Variants in ZNF48 observed in about 807,000 individuals in gnomAD.
ZNF48 encodes the protein zinc finger protein 48.
ZNF48 carries 20 observed loss-of-function variants against 40.0 expected under a neutral mutation model. That is an observed-to-expected ratio of 0.50 (90% confidence interval 0.35 to 0.73). The LOEUF (loss-of-function observed/expected upper bound fraction) is 0.73. Ranked by LOEUF, ZNF48 falls within the 30% of genes least tolerant of loss-of-function variation. ZNF48 has a pLI of 0.01. For synonymous variants in ZNF48, 298 were observed against 329.7 expected (o/e 0.90, Z 1.04); for missense variants, 726 against 851.9 (o/e 0.85, Z 1.84).
chr16:30,389,201 G>A (rs2049923127), intron 1 of ZNF48, among the ~76,000 whole-genome samples: 1 of 151,922 alleles, frequency 6.6e-6, no homozygotes, highest in African/African-American at 2.4e-5. Context: ...AGATCATCCT[G>A]GCTGACACGG....
chr16:30,379,046 G>A, intron 1 of ZNF48: 1 of 1,613,642 alleles, frequency 6.2e-7, no homozygotes, highest in South Asian at 1.1e-5. Flanking sequence ...CGAGCCCCAG[G>A]CCGGGCCAGG....
At chr16:30,388,305 A>G (rs1257643688) in intron 1 of ZNF48, among the ~76,000 whole-genome samples, 1 of 152,068 alleles carries the variant, frequency 6.6e-6, no homozygotes, top group African/African-American at 2.4e-5. Flanking sequence ...ATACATGCAC[A>G]TGTACATTAT....
intron 1 of ZNF48, among the ~76,000 whole-genome samples, chr16:30,387,109 AT>A (rs1357986172): frequency 3.0e-4 from 45 of 150,002 alleles, no homozygotes; most frequent in East Asian, 6.0e-4. Context: ...TGCCTGGCTA[AT>A]TTTTTTGTAT....
Position 30,381,458 on chromosome 16 carries a change from C to T in ZNF48, c.-16+3048C>T, listed in dbSNP as rs1387522783. 5 of 1,614,046 alleles carry T rather than the reference C, an allele frequency of 3.1e-6. No individual in the cohort carries two copies. Among genetic ancestry groups the T allele is most frequent in the Non-Finnish European group, 4.2e-6 (5 of 1,180,008 alleles). Reference sequence around the variant, plus strand: ...GCTCAAATTGCTCCTCGATGAATTTCACCACCGGAAGCCAGCTGGGTGTGG... The same window carrying T: ...GCTCAAATTGCTCCTCGATGAATTTTACCACCGGAAGCCAGCTGGGTGTGG... On this transcript the variant is annotated intron_variant, in intron 1 of 2. Transcript: ENST00000528032. The surrounding 1 kb of genome is among the most constrained non-coding windows in gnomAD (Gnocchi z 4.3).
At chr16:30,379,716 C>G (rs1166708566) in intron 1 of ZNF48, 1 of 523,706 alleles carries the variant, frequency 1.9e-6, no homozygotes, top group Non-Finnish European at 3.3e-6. Context: ...AAGTGATTCT[C>G]CTGCCTCAGC....
At chr16:30,385,943 T>C (rs900340572) in intron 1 of ZNF48, among the ~76,000 whole-genome samples, 1 of 151,306 alleles carries the variant, frequency 6.6e-6, no homozygotes, top group Non-Finnish European at 1.5e-5. Context: ...CTGGTCAACA[T>C]AGCAAGACCC....
rs2050029356 is a variant in ZNF48 at position 30,399,321 on chromosome 16, C to G, written c.*214C>G. 1 of 519,876 alleles carries G rather than the reference C, an allele frequency of 1.9e-6. No homozygotes were observed. The highest frequency in any genetic ancestry group is 3.4e-6 in the Non-Finnish European group (1 of 297,306). 32.2% of individuals were successfully genotyped at this position (519,876 alleles called of 1,614,324 possible). ...GGACCTTGCCAGGACGGGCTGTACC[C>G]CTGGCTTCTAGAAGACTGCCTAGCA... On this transcript the variant is annotated 3_prime_UTR_variant, in exon 3 of 3. Transcript: ENST00000613509.
rs377166446 is a variant in ZNF48 at position 30,381,263 on chromosome 16, C to G, written c.-16+2853C>G. The G allele has an allele frequency of 1.1e-4, 174 of 1,613,620 alleles. No individual in the cohort carries two copies. Among genetic ancestry groups the G allele is most frequent in the Admixed American group, 2.2e-4 (13 of 60,002 alleles). ...CCGGAGCCTGCACCCAGGGATTGGTCATTGCCCAGCCTCAGGGGGCAGAGA... is the reference window on the plus strand; with the variant it reads ...CCGGAGCCTGCACCCAGGGATTGGTGATTGCCCAGCCTCAGGGGGCAGAGA... On this transcript the variant is annotated intron_variant, in intron 1 of 2. Coordinates refer to the ZNF48 transcript ENST00000528032. The surrounding 1 kb of genome is among the most constrained non-coding windows in gnomAD (Gnocchi z 4.3).
At position 30,398,016 on chromosome 16, in the gene ZNF48, C is replaced by T; in HGVS notation, c.766C>T (p.Gln256Ter). The change falls in exon 3 of 3, where the codon CAG (glutamine) becomes TAG (stop). Residue 256 changes from glutamine to a stop codon, truncating the protein, a stop_gained. Transcript: ENST00000613509. LOFTEE classifies it high-confidence loss of function. This position sits in a 1 kb window ranked among gnomAD's most constrained non-coding sequence, Gnocchi z 6.6. ...QPPRPVVPRR[Q>*]PSRAATAATQ... ...CCCCCGACCAGTGGTGCCCCGACGG[C>T]AGCCATCTCGGGCAGCCACGGCAGC... 6.2e-7 allele frequency: 1 copy of T among 1,612,710 alleles called. No individual in the cohort carries two copies. The highest frequency in any genetic ancestry group is 8.5e-7 in the Non-Finnish European group (1 of 1,179,288).
In ZNF48 at chr16:30,397,301, G is replaced by A. The variant is rs757169206; in HGVS notation, c.80-29G>A. On this transcript the variant is annotated intron_variant, in intron 2 of 2. Coordinates refer to ENST00000613509, the MANE Select transcript of ZNF48 (RefSeq NM_001214909.2). The surrounding 1 kb of genome is among the most constrained non-coding windows in gnomAD (Gnocchi z 4.1). ...AAGATAAGTACCGAGCCAAAGGGGAGGGTCTACAACTTCCTTTTCTTTCCT... is the reference window on the plus strand; with the variant it reads ...AAGATAAGTACCGAGCCAAAGGGGAAGGTCTACAACTTCCTTTTCTTTCCT... 2.5e-6 allele frequency: 4 copies of A among 1,575,068 alleles called. No individual in the cohort carries two copies. The African/African-American group carries it at 4.1e-5, about 16-fold the overall frequency.
chr16:30,381,596 C>T lies in ZNF48; in HGVS notation c.-16+3186C>T. On this transcript the variant is annotated intron_variant, in intron 1 of 2. Transcript: ENST00000528032. This position sits in a 1 kb window ranked among gnomAD's most constrained non-coding sequence, Gnocchi z 4.3. ...CTCCCTCCAAAGACATTAAGGGGAA[C>T]TGGTGGGGGCCTAGGTGAGTCATCA... The T allele has an allele frequency of 6.8e-7, 1 of 1,463,016 alleles. No individual in the cohort carries two copies. Among genetic ancestry groups the T allele is most frequent in the Non-Finnish European group, 9.4e-7 (1 of 1,064,708 alleles). 90.6% of individuals were successfully genotyped at this position (1,463,016 alleles called of 1,614,324 possible). A position where few individuals can be genotyped will look rare whatever the true frequency, so the allele number is the denominator to read the frequency against.
chr16:30,394,443 C>T (rs2151116740), upstream of ZNF48: 1 of 152,420 alleles, frequency 6.6e-6, no homozygotes, highest in East Asian at 1.9e-4. Flanking sequence ...CTCCTAGGGC[C>T]TGGGAACCTG....
At chr16:30,379,942 G>T in intron 1 of ZNF48, 3 of 1,538,322 alleles carry the variant, frequency 2.0e-6, no homozygotes, top group Non-Finnish European at 1.8e-6. Flanking sequence ...CTTCATCTCT[G>T]CATCCTGCCT....
rs973938332 is a variant in ZNF48, at chr16:30,397,219, T to C, written c.80-111T>C. 4 of 949,810 alleles carry C rather than the reference T, an allele frequency of 4.2e-6. No homozygotes were observed. The highest frequency in any genetic ancestry group is 2.4e-5 in the East Asian group (1 of 40,934). 58.8% of individuals were successfully genotyped at this position (949,810 alleles called of 1,614,324 possible). Reference sequence around the variant, plus strand: ...ACCAGAGGTTGAGAGGACAGAGAGATTGGGGTTCCTGTGACCACAGATTGT... The same window carrying C: ...ACCAGAGGTTGAGAGGACAGAGAGACTGGGGTTCCTGTGACCACAGATTGT... On this transcript the variant is annotated intron_variant, in intron 2 of 2. Transcript: ENST00000613509. This position sits in a 1 kb window ranked among gnomAD's most constrained non-coding sequence, Gnocchi z 4.1.
chr16:30,391,543 C>T (rs563167810), upstream of ZNF48, among the ~76,000 whole-genome samples: 2 of 150,142 alleles, frequency 1.3e-5, no homozygotes, highest in Admixed American at 6.7e-5. Context: ...TTGCCCAGAA[C>T]GGAATGCAGT....
In ZNF48 at chr16:30,398,847, C is replaced by G. The variant is rs774879292; in HGVS notation, c.1597C>G (p.Arg533Gly). ...PVPMAPRPRV[R>G]AQPSGPSQPH... is the part of the protein sequence containing the mutation. ...ACCCATGGCCCCTCGACCCCGAGTT[C>G]GGGCCCAGCCTTCTGGACCCAGCCA... is the stretch of plus-strand genomic sequence containing the variant. The change falls in exon 3 of 3, where the codon CGG (arginine) becomes GGG (glycine). Residue 533 changes from arginine to glycine, a missense_variant. By Grantham distance (125) the Arg-to-Gly change is moderately radical. Around this residue, in one of 5 missense-constraint regions of ZNF48, gnomAD observed 166 missense variants for 163.6 expected, o/e 1.01. Coordinates refer to ENST00000613509, the MANE Select transcript of ZNF48 (RefSeq NM_001214909.2). The surrounding 1 kb of genome is among the most constrained non-coding windows in gnomAD (Gnocchi z 6.6). 6.2e-7 allele frequency: 1 copy of G among 1,613,796 alleles called. No individual in the cohort carries two copies. Among genetic ancestry groups the G allele is most frequent in the African/African-American group, 1.3e-5 (1 of 74,916 alleles).
Position 30,382,874 on chromosome 16 carries a change from A to T in ZNF48, c.-16+4464A>T. On this transcript the variant is annotated intron_variant, in intron 1 of 2. Coordinates refer to the ZNF48 transcript ENST00000528032. The surrounding 1 kb of genome is among the most constrained non-coding windows in gnomAD (Gnocchi z 4.8). ...GGGAGATGAAGGTTTTGATGAGCTG[A>T]TTAGAAAACAGTTCCCAGGACGGGC... 1 of 1,234,744 alleles carries T rather than the reference A, an allele frequency of 8.1e-7. No individual in the cohort carries two copies. Among genetic ancestry groups the T allele is most frequent in the Non-Finnish European group, 1.1e-6 (1 of 872,586 alleles). The allele number at this position is 1,234,744 out of a possible 1,614,324, so 76.5% of individuals were successfully genotyped here. A position where few individuals can be genotyped will look rare whatever the true frequency, so the allele number is the denominator to read the frequency against.
chr16:30,385,739 A>G (rs1197444873), intron 1 of ZNF48, among the ~76,000 whole-genome samples: 1 of 151,272 alleles, frequency 6.6e-6, no homozygotes, highest in East Asian at 1.9e-4. Flanking sequence ...TTTTCTTCAC[A>G]CTCTCCATGC....
Position 30,382,470 on chromosome 16 carries a change from C to T in ZNF48, c.-16+4060C>T. 1.3e-6 allele frequency: 2 copies of T among 1,588,662 alleles called. No homozygotes were observed. Among genetic ancestry groups the T allele is most frequent in the Non-Finnish European group, 1.7e-6 (2 of 1,162,564 alleles). ...GAAGAGTCAGTGGGGTCTGGGGACC[C>T]CAGGCATGGGGGCTGGGGGCCGAGA... On this transcript the variant is annotated intron_variant, in intron 1 of 2. Coordinates refer to the ZNF48 transcript ENST00000528032. This position sits in a 1 kb window ranked among gnomAD's most constrained non-coding sequence, Gnocchi z 4.8.
Sources: gnomAD v4.1 joint callset for allele counts (sites outside exome capture counted in the v4.1 genomes callset) on GRCh38, gnomAD v4.1.1 for gene constraint, gnomAD v4.1.1 regional missense constraint, Gnocchi (gnomAD v3.1) non-coding constraint, MANE v1.5 for transcripts, NCBI Gene and HGNC (gene_info 2026-07-23, HGNC 2026-07-21) for gene names.